The following RGS7 variants were observed in gnomAD, a reference collection of about 807,000 sequenced individuals.
RGS7 encodes the protein regulator of G-protein signaling 7.
In RGS7, 27 loss-of-function variants were observed where a neutral mutation model predicts 81.1. The observed-to-expected ratio is 0.33, with a 90% CI of 0.25 to 0.46. The LOEUF (loss-of-function observed/expected upper bound fraction) is 0.46. Among genes scored for constraint, RGS7 ranks in the 20% least tolerant of loss-of-function variants. The pLI is 1.00. For missense variants in RGS7, 396 were observed against 607.4 expected (o/e 0.65, Z 3.66); for synonymous variants, 208 against 207.7 (o/e 1.00, Z -0.01).
intron 4 of RGS7, among the ~76,000 whole-genome samples, chr1:240,968,494 A>T (rs1682694788): frequency 6.6e-6 from 1 of 152,138 alleles, no homozygotes; most frequent in South Asian, 2.1e-4. Context: ...AGGAAGCAGG[A>T]ATTCTGGATA....
At chr1:240,780,914 A>G (rs1264880222) in intron 18 of RGS7, among the ~76,000 whole-genome samples, 1 of 104,766 alleles carries the variant, frequency 9.5e-6, no homozygotes, top group Admixed American at 8.6e-5. Flanking sequence ...ACTCTGTCTC[A>G]AAAAAAAAAA....
chr1:240,871,554 A>G (rs1240584037), intron 6 of RGS7, among the ~76,000 whole-genome samples: 1 of 152,218 alleles, frequency 6.6e-6, no homozygotes. Context: ...ACAATCTACC[A>G]TAATAATTTT....
At chr1:240,810,931 C>A (rs1689739573) in intron 14 of RGS7, among the ~76,000 whole-genome samples, 1 of 152,172 alleles carries the variant, frequency 6.6e-6, no homozygotes, top group Admixed American at 6.5e-5. Flanking sequence ...ATGCCAGGCA[C>A]ACACAGAGAG....
chr1:241,183,965 G>A (rs1452050918), intron 2 of RGS7, among the ~76,000 whole-genome samples: 1 of 152,110 alleles, frequency 6.6e-6, no homozygotes, highest in Admixed American at 6.5e-5. Context: ...CACCCTGTTG[G>A]GCAGATGGAC....
At chr1:241,098,242 G>A (rs536156875) in intron 3 of RGS7, among the ~76,000 whole-genome samples, 60 of 152,250 alleles carry the variant, frequency 3.9e-4, no homozygotes, top group African/African-American at 1.3e-3. Flanking sequence ...TGGTGACAGC[G>A]GTCTTGAGCG....
At chr1:240,921,055 T>C (rs1425248037) in intron 6 of RGS7, among the ~76,000 whole-genome samples, 2 of 152,120 alleles carry the variant, frequency 1.3e-5, no homozygotes, top group African/African-American at 4.8e-5. Context: ...CAGGTTCTAT[T>C]TGGAATTTAT....
chr1:241,202,007 C>CACAG (rs900752617), intron 2 of RGS7, among the ~76,000 whole-genome samples: 75 of 107,216 alleles, frequency 7.0e-4, no homozygotes, highest in African/African-American at 2.6e-3. Context: ...CACAGACACA[C>CACAG]ACAGACACAC....
chr1:240,944,306 A>C (rs796585968), intron 4 of RGS7, among the ~76,000 whole-genome samples: 1 of 128,324 alleles, frequency 7.8e-6, no homozygotes, highest in African/African-American at 3.0e-5. Context: ...ATATATATAT[A>C]TATATATATA....
chr1:240,784,507 G>A (rs1449413912), intron 18 of RGS7, among the ~76,000 whole-genome samples: 1 of 150,100 alleles, frequency 6.7e-6, no homozygotes, highest in Non-Finnish European at 1.5e-5. Context: ...TTAGCCGGGC[G>A]TGGTGGCGGG....
chr1:241,347,621 G>A (rs893520089), intron 2 of RGS7, among the ~76,000 whole-genome samples: 1 of 152,088 alleles, frequency 6.6e-6, no homozygotes, highest in African/African-American at 2.4e-5. Context: ...ATGAAATAGA[G>A]ATGAATTGAA....
chr1:241,213,155 C>T lies in RGS7; in HGVS notation c.79-114393G>A, dbSNP rs539908603. ...CTATTAGAATGCTTCCAAAGGATGA[C>T]GACTCACTGATAGATAATGTTTTGT... On this transcript the variant is annotated intron_variant, in intron 2 of 18. Coordinates refer to ENST00000440928, the MANE Select transcript of RGS7 (RefSeq NM_001364886.1). Among the ~76,000 whole-genome samples the T allele has an allele frequency of 3.7e-4, 56 of 152,188 alleles. No individual in the cohort carries two copies. In the Middle Eastern group the frequency reaches 0.017, roughly 46 times the overall value.
At chr1:241,247,791 G>A (rs2076620826) in intron 2 of RGS7, among the ~76,000 whole-genome samples, 1 of 152,082 alleles carries the variant, frequency 6.6e-6, no homozygotes, top group Non-Finnish European at 1.5e-5. Context: ...CCTCATGATG[G>A]AATTAAAAAT....
chr1:240,933,084 G>T (rs778313541), intron 5 of RGS7, among the ~76,000 whole-genome samples: 56 of 149,654 alleles, frequency 3.7e-4, no homozygotes, highest in South Asian at 1.5e-3. Flanking sequence ...GGGTTTCACC[G>T]TGTTAGCCAG....
intron 6 of RGS7, among the ~76,000 whole-genome samples, chr1:240,879,346 T>C (rs529972064): frequency 3.6e-4 from 55 of 152,362 alleles, no homozygotes; most frequent in African/African-American, 1.2e-3. Context: ...ATTTGCCTGG[T>C]ATATCTTTGC....
intron 2 of RGS7, among the ~76,000 whole-genome samples, chr1:241,350,938 G>A (rs1031356725): frequency 6.6e-6 from 1 of 152,068 alleles, no homozygotes; most frequent in Non-Finnish European, 1.5e-5. Flanking sequence ...TTCCAGAGAA[G>A]AAATCAAGCC....
chr1:241,062,933 T>G (rs1190956457), intron 3 of RGS7, among the ~76,000 whole-genome samples: 2 of 152,186 alleles, frequency 1.3e-5, no homozygotes, highest in East Asian at 3.8e-4. Flanking sequence ...AGTTTCCCCT[T>G]CCCGCAATAT....
chr1:240,841,314 C>T (rs1183207891), intron 9 of RGS7, among the ~76,000 whole-genome samples: 4 of 152,150 alleles, frequency 2.6e-5, no homozygotes, highest in Admixed American at 1.3e-4. Flanking sequence ...TTGTTTAAAG[C>T]GGTTCCCATC....
At chr1:240,909,346 C>A (rs1328450330) in intron 6 of RGS7, among the ~76,000 whole-genome samples, 1 of 152,134 alleles carries the variant, frequency 6.6e-6, no homozygotes, top group African/African-American at 2.4e-5. Context: ...AGTACAAATG[C>A]GAGTTATCCA....
chr1:240,992,461 G>T (rs899037796), intron 3 of RGS7, among the ~76,000 whole-genome samples: 1 of 151,428 alleles, frequency 6.6e-6, no homozygotes, highest in South Asian at 2.1e-4. Flanking sequence ...CCAAGATCAC[G>T]CCACTGCACT....
Sources: gnomAD v4.1 joint callset for allele counts (sites outside exome capture counted in the v4.1 genomes callset) on GRCh38, gnomAD v4.1.1 for gene constraint, MANE v1.5 for transcripts, NCBI Gene and HGNC (gene_info 2026-07-23, HGNC 2026-07-21) for gene names.